Variants in PLXDC1 observed in about 807,000 individuals in gnomAD.
PLXDC1 encodes the protein plexin domain containing 1.
A neutral mutation model predicts 61.3 loss-of-function variants in PLXDC1; 39 were observed. The ratio of observed to expected loss-of-function variants is 0.64; its 90% confidence interval spans 0.49 to 0.83. The LOEUF (loss-of-function observed/expected upper bound fraction) is 0.83. Among genes scored for constraint, PLXDC1 ranks in the 40% least tolerant of loss-of-function variants. The pLI is 0.00. For missense variants in PLXDC1, 596 were observed against 666.5 expected (o/e 0.89, Z 1.17); for synonymous variants, 212 against 254.5 (o/e 0.83, Z 1.59).
At chr17:39,152,835 C>T, upstream of PLXDC1, 1 of 542,588 alleles carries the variant, frequency 1.8e-6, no homozygotes, top group Non-Finnish European at 2.8e-6. Flanking sequence ...TAAAGGCTCT[C>T]TAATCTCTTA....
intron 7 of PLXDC1, among the ~76,000 whole-genome samples, chr17:39,104,491 C>T (rs1910528288): frequency 6.6e-6 from 1 of 152,014 alleles, no homozygotes; most frequent in Non-Finnish European, 1.5e-5. Flanking sequence ...CTGTTAAAGA[C>T]AGAGGTTTGG....
rs141398304 is a variant in PLXDC1 at position 39,069,870 on chromosome 17, G to A, written c.1369C>T (p.Leu457Phe). Residue 457 changes from leucine to phenylalanine, a missense_variant, in exon 13 of 14, where the codon CTC (leucine) becomes TTC (phenylalanine). Physicochemically the swap from Leu to Phe is conservative, Grantham distance 22 (BLOSUM62 0). Coordinates refer to ENST00000315392, the MANE Select transcript of PLXDC1 (RefSeq NM_020405.5). ...ATGACACGGACCTCGATGAAGAAGA[G>A]CGCAGCATTGGATGTGGGGTGGCCA... is the stretch of plus-strand genomic sequence containing the variant. The part of the protein sequence containing the change: ...INGHPTSNAA[L>F]FFIERRPHHW... 1 of 1,613,936 alleles carries A rather than the reference G, an allele frequency of 6.2e-7. No individual in the cohort carries two copies. Among genetic ancestry groups the A allele is most frequent in the Non-Finnish European group, 8.5e-7 (1 of 1,179,854 alleles).
chr17:39,093,298 C>G (rs2143540506), intron 7 of PLXDC1, among the ~76,000 whole-genome samples: 1 of 152,312 alleles, frequency 6.6e-6, no homozygotes, highest in South Asian at 2.1e-4. Flanking sequence ...TCCCAAACTC[C>G]TGGCCTCAAG....
At chr17:39,126,324 C>T (rs147162901) in intron 2 of PLXDC1, among the ~76,000 whole-genome samples, 1 of 152,202 alleles carries the variant, frequency 6.6e-6, no homozygotes, top group East Asian at 1.9e-4. Context: ...AGGCCTCACT[C>T]AACATTGTTG....
At chr17:39,085,350 C>T (rs1279786622) in intron 8 of PLXDC1, among the ~76,000 whole-genome samples, 3 of 152,218 alleles carry the variant, frequency 2.0e-5, no homozygotes, top group Non-Finnish European at 4.4e-5. Flanking sequence ...GCAGGGGCTG[C>T]CCTGTGCAGG....
At chr17:39,092,102 A>C (rs1909977369) in intron 7 of PLXDC1, among the ~76,000 whole-genome samples, 1 of 152,112 alleles carries the variant, frequency 6.6e-6, no homozygotes, top group Non-Finnish European at 1.5e-5. Flanking sequence ...ATTTAGAGAC[A>C]GGGTCTCGCT....
At chr17:39,086,389 G>C (rs939380134) in intron 8 of PLXDC1, among the ~76,000 whole-genome samples, 1 of 152,174 alleles carries the variant, frequency 6.6e-6, no homozygotes, top group Non-Finnish European at 1.5e-5. Context: ...CCCTGTCTGA[G>C]ACATGGCCTA....
At chr17:39,138,358 A>C (rs1050475060) in intron 2 of PLXDC1, among the ~76,000 whole-genome samples, 4 of 152,230 alleles carry the variant, frequency 2.6e-5, no homozygotes, top group Non-Finnish European at 5.9e-5. Context: ...AAAATCATAC[A>C]AGAAAAGAAA....
At chr17:39,083,114 C>T (rs1909620480) in intron 9 of PLXDC1, among the ~76,000 whole-genome samples, 1 of 152,306 alleles carries the variant, frequency 6.6e-6, no homozygotes, top group African/African-American at 2.4e-5. Context: ...TGGGTTCTCT[C>T]CCAGAGATCC....
intron 2 of PLXDC1, among the ~76,000 whole-genome samples, chr17:39,120,108 C>G (rs141935771): frequency 6.6e-6 from 1 of 152,160 alleles, no homozygotes; most frequent in Non-Finnish European, 1.5e-5. Flanking sequence ...ATGACAGGCA[C>G]GGGTTAAATC....
At chr17:39,146,057 C>T (rs886088841) in intron 1 of PLXDC1, among the ~76,000 whole-genome samples, 3 of 150,126 alleles carry the variant, frequency 2.0e-5, no homozygotes, top group Admixed American at 1.3e-4. Context: ...TCAGGCTGCA[C>T]TTCGGCCCAT....
rs754030611 is a variant in PLXDC1, at chr17:39,083,488, G to A, written c.960C>T (p.Phe320=). ...GGAGGACATGGCACCAGCTGCAGTT[G>A]AAGGTCAGGTCTGAGGACATGCAGG... is the stretch of plus-strand genomic sequence containing the variant. ...CDACMSSDLT[F]NCSWCHVLQR... The change falls in exon 9 of 14, where the codon TTC becomes TTT. Residue 320 remains phenylalanine, a synonymous_variant. Coordinates refer to ENST00000315392, the MANE Select transcript of PLXDC1 (RefSeq NM_020405.5). The A allele has an allele frequency of 1.2e-6, 2 of 1,613,966 alleles. No individual in the cohort carries two copies. Among genetic ancestry groups the A allele is most frequent in the South Asian group, 1.1e-5 (1 of 91,000 alleles).
At chr17:39,089,621 C>G (rs565758069) in intron 7 of PLXDC1, among the ~76,000 whole-genome samples, 8 of 152,262 alleles carry the variant, frequency 5.3e-5, no homozygotes, top group Admixed American at 1.3e-4. Flanking sequence ...TGGGGACATA[C>G]GTTTCTCGCT....
chr17:39,134,697 T>A (rs1330635449), intron 2 of PLXDC1, among the ~76,000 whole-genome samples: 1 of 151,468 alleles, frequency 6.6e-6, no homozygotes, highest in Non-Finnish European at 1.5e-5. Flanking sequence ...ATCTAGAACC[T>A]TCTCTGTACC....
intron 8 of PLXDC1, among the ~76,000 whole-genome samples, chr17:39,087,240 A>T (rs1425659533): frequency 1.3e-5 from 2 of 152,216 alleles, no homozygotes; most frequent in South Asian, 2.1e-4. Flanking sequence ...AGGCCCGTCT[A>T]GTTCCTGGAT....
At chr17:39,082,563 C>CTCAAA (rs35716213) in intron 9 of PLXDC1, among the ~76,000 whole-genome samples, 2 of 143,752 alleles carry the variant, frequency 1.4e-5, no homozygotes, top group Non-Finnish European at 3.0e-5. Context: ...AAAACTCTCT[C>CTCAAA]AAAAAAAAAA....
rs1598200768 is a variant in PLXDC1, at chr17:39,109,240, G to T, written c.399+8C>A. ...CAGGGAAGCATGGCTGGCGACTGGGGCACTCACCGAAGCCTGCCGGTGGGT... is the reference window on the plus strand; with the variant it reads ...CAGGGAAGCATGGCTGGCGACTGGGTCACTCACCGAAGCCTGCCGGTGGGT... On this transcript the variant is annotated splice_region_variant and intron_variant, in intron 3 of 13. Coordinates refer to ENST00000315392, the MANE Select transcript of PLXDC1 (RefSeq NM_020405.5). 1 of 1,601,930 alleles carries T rather than the reference G, an allele frequency of 6.2e-7. No individual in the cohort carries two copies. Among genetic ancestry groups the T allele is most frequent in the Admixed American group, 1.7e-5 (1 of 58,574 alleles).
Position 39,079,139 on chromosome 17 carries a change from G to A in PLXDC1, c.1015C>T (p.Arg339Cys), listed in dbSNP as rs1375715945. Residue 339 changes from arginine (R) to cysteine (C), a missense_variant, in exon 10 of 14, where the codon CGC becomes TGC. Transcript: ENST00000315392. ...QRCSSGFDRY[R>C]QEWMDYGCAQ... Reference sequence around the variant, plus strand: ...CAGCCATAGTCCATCCACTCCTGGCGATAGCGGTCAAAGCCACTGGAGCAT... The same window carrying A: ...CAGCCATAGTCCATCCACTCCTGGCAATAGCGGTCAAAGCCACTGGAGCAT... 12 of 1,613,792 alleles carry A rather than the reference G, an allele frequency of 7.4e-6. No individual in the cohort carries two copies. The highest frequency in any genetic ancestry group is 4.5e-5 in the East Asian group (2 of 44,888).
intron 1 of PLXDC1, among the ~76,000 whole-genome samples, chr17:39,150,135 T>A (rs2045363771): frequency 6.6e-6 from 1 of 152,116 alleles, no homozygotes; most frequent in African/African-American, 2.4e-5. Context: ...GCCACGTCTC[T>A]GGCCACCCTC....
Sources: gnomAD v4.1 joint callset for allele counts (sites outside exome capture counted in the v4.1 genomes callset) on GRCh38, gnomAD v4.1.1 for gene constraint, MANE v1.5 for transcripts, NCBI Gene and HGNC (gene_info 2026-07-23, HGNC 2026-07-21) for gene names.